The following PHC1 variants were observed in gnomAD, a reference collection of about 807,000 sequenced individuals.
PHC1 encodes the protein polyhomeotic-like protein 1.
Under a neutral mutation model 104.3 loss-of-function variants are expected in PHC1, and 12 were observed. The observed-to-expected ratio is 0.12, with a 90% confidence interval of 0.07 to 0.19. The LOEUF (loss-of-function observed/expected upper bound fraction) is 0.19, where lower values mean the gene tolerates loss of function less well. Ranked by LOEUF, PHC1 falls within the 10% of genes least tolerant of loss-of-function variation. The probability of loss-of-function intolerance (pLI) is 1.00; values close to 1 mark genes in which losing one functional copy is unlikely to be tolerated. For missense variants in PHC1, 671 were observed against 1,200.0 expected (o/e 0.56, Z 6.51); for synonymous variants, 302 against 455.8 (o/e 0.66, Z 4.30).
chr12:8,934,735 A>G (rs908866269), intron 10 of PHC1, among the ~76,000 whole-genome samples: 8 of 152,212 alleles, frequency 5.3e-5, no homozygotes, highest in Admixed American at 3.3e-4. Context: ...AGTTTGTTTT[A>G]TAATGAATAA....
intron 6 of PHC1, among the ~76,000 whole-genome samples, chr12:8,923,984 G>A (rs746872859): frequency 4.6e-5 from 7 of 152,296 alleles, no homozygotes; most frequent in Admixed American, 1.3e-4. Context: ...GATTTAAAGT[G>A]TATGGGAAGA....
intron 6 of PHC1, among the ~76,000 whole-genome samples, chr12:8,924,505 G>A (rs2137081203): frequency 6.6e-6 from 1 of 152,248 alleles, no homozygotes; most frequent in Non-Finnish European, 1.5e-5. Context: ...TAAACTAAAT[G>A]GTGCTAACTT....
At chr12:8,939,151 A>G (rs970432380) in intron 14 of PHC1, among the ~76,000 whole-genome samples, 154 bp from the exon 15 acceptor site, 7 of 152,144 alleles carry the variant, frequency 4.6e-5, no homozygotes, top group African/African-American at 1.7e-4. Flanking sequence ...GTTGCTTTCT[A>G]ATTTCATTTT....
chr12:8,937,812 G>T lies in PHC1; in HGVS notation c.2629-17G>T, dbSNP rs768278942. On this transcript the variant is annotated splice_polypyrimidine_tract_variant and intron_variant, in intron 13 of 14. Coordinates refer to ENST00000544916, the MANE Select transcript of PHC1 (RefSeq NM_004426.3). ...CCTTTGACACTGACCTCATTGGTTTGCTCTTTTCCCCTATAGGGTCAAGAA... is the reference window on the plus strand; with the variant it reads ...CCTTTGACACTGACCTCATTGGTTTTCTCTTTTCCCCTATAGGGTCAAGAA... 3.8e-6 allele frequency: 6 copies of T among 1,598,002 alleles called. No individual in the cohort carries two copies. The South Asian group carries it at 5.5e-5, about 15-fold the overall frequency.
intron 14 of PHC1, among the ~76,000 whole-genome samples, chr12:8,938,945 C>T (rs1945926878): frequency 6.6e-6 from 1 of 152,170 alleles, no homozygotes; most frequent in African/African-American, 2.4e-5. Flanking sequence ...CCTGCCTCAG[C>T]TTCCCGAGTA....
At chr12:8,922,852 C>G in intron 6 of PHC1, 64 bp downstream of exon 6, 3 of 1,445,490 alleles carry the variant, frequency 2.1e-6, no homozygotes, top group Non-Finnish European at 1.9e-6. Context: ...GACCACGGAC[C>G]TGGGTCCACC....
Position 8,937,265 on chromosome 12 carries a change from G to C in PHC1, c.2567G>C (p.Arg856Pro), listed in dbSNP as rs774723370. The change falls in exon 13 of 15, where the codon CGT becomes CCT. Residue 856 changes from arginine to proline, a missense_variant. Arg to Pro is a moderately radical substitution (Grantham distance 103). This residue lies in a region of PHC1 where 192 missense variants were observed against 280.5 expected (regional missense o/e 0.68). Coordinates refer to ENST00000544916, the MANE Select transcript of PHC1 (RefSeq NM_004426.3). ...GCCAACTATGCTCGCGTTCGCAGGC[G>C]TGGACCCCGCCGCAGCTCCTCTGAC... ...QEANYARVRR[R>P]GPRRSSSDIA... is the part of the protein sequence containing the mutation. 1 of 1,612,568 alleles carries C rather than the reference G, an allele frequency of 6.2e-7. No homozygotes were observed. Among genetic ancestry groups the C allele is most frequent in the Non-Finnish European group, 8.5e-7 (1 of 1,179,286 alleles).
intron 7 of PHC1, 29 bp downstream of exon 7, chr12:8,930,956 C>G: frequency 6.4e-7 from 1 of 1,571,320 alleles, no homozygotes; most frequent in Non-Finnish European, 8.6e-7. Flanking sequence ...TGTCATTATT[C>G]TCTCAGAATT....
chr12:8,915,956 G>A (rs1945188871), intron 1 of PHC1: 1 of 154,356 alleles, frequency 6.5e-6, no homozygotes, highest in African/African-American at 2.4e-5. Context: ...TAGCAAAGGG[G>A]TCTCGTGTCT....
chr12:8,927,861 C>CTTTCTT (rs1400337778), intron 6 of PHC1, among the ~76,000 whole-genome samples: 1 of 58,850 alleles, frequency 1.7e-5, no homozygotes, highest in African/African-American at 8.5e-5. Flanking sequence ...AGTTTTCTTT[C>CTTTCTT]TTTCTTTCTT....
intron 11 of PHC1, 33 bp from the exon 12 acceptor site, chr12:8,936,822 CA>C (rs763739404): frequency 1.5e-6 from 2 of 1,330,910 alleles, no homozygotes; most frequent in Non-Finnish European, 2.2e-6. Context: ...AGCAGAAACC[CA>C]TGGTGACTGT....
In PHC1 at chr12:8,919,971, A is replaced by G; in HGVS notation, c.225+105A>G. 8.0e-6 allele frequency: 12 copies of G among 1,499,216 alleles called. No homozygotes were observed. The highest frequency in any genetic ancestry group is 1.1e-5 in the Non-Finnish European group (12 of 1,104,154). The allele number at this position is 1,499,216 out of a possible 1,614,324, so 92.9% of individuals were successfully genotyped here. On this transcript the variant is annotated intron_variant, in intron 3 of 14. Transcript: ENST00000544916. The surrounding 1 kb of genome is among the most constrained non-coding windows in gnomAD (Gnocchi z 4.9). ...AGCATCCTATACTAAGCCAGGCTGC[A>G]GACAGCCTCCTCCGCCTCCTGTCCT...
intron 6 of PHC1, among the ~76,000 whole-genome samples, chr12:8,924,293 A>G (rs1945452713): frequency 1.3e-5 from 2 of 152,104 alleles, no homozygotes; most frequent in South Asian, 4.1e-4. Flanking sequence ...CCTGACCAAT[A>G]TGGTGAAACC....
intron 3 of PHC1, 143 bp downstream of exon 3, chr12:8,920,009 T>C (rs1347863455): frequency 1.6e-6 from 2 of 1,278,664 alleles, no homozygotes; most frequent in Non-Finnish European, 2.2e-6. Context: ...TGTGGGAGGA[T>C]GGATGCATCT....
At chr12:8,920,952 T>G in intron 3 of PHC1, 33 bp from the exon 4 acceptor site, 1 of 1,492,842 alleles carries the variant, frequency 6.7e-7, no homozygotes. Context: ...TTCACTGTCT[T>G]TGCTATTTCT....
At chr12:8,921,121 T>G (rs900713895) in intron 4 of PHC1, 56 bp downstream of exon 4, 7 of 1,298,778 alleles carry the variant, frequency 5.4e-6, no homozygotes, top group Non-Finnish European at 7.6e-6. Flanking sequence ...TGTCTCTGGG[T>G]TAAATTACTT....
chr12:8,917,599 T>C (rs772334539), intron 1 of PHC1, 31 bp from the exon 2 acceptor site: 7 of 582,984 alleles, frequency 1.2e-5, no homozygotes, highest in Middle Eastern at 3.4e-4. Flanking sequence ...GATCAAGATA[T>C]AAATTTTAAC....
In PHC1 at chr12:8,921,640, C is replaced by G; in HGVS notation, c.346C>G (p.Arg116Gly). 6.2e-7 allele frequency: 1 copy of G among 1,613,696 alleles called. No homozygotes were observed. Among genetic ancestry groups the G allele is most frequent in the Non-Finnish European group, 8.5e-7 (1 of 1,179,810 alleles). Residue 116 changes from arginine to glycine, a missense_variant, in exon 5 of 15, where the codon CGA (arginine) becomes GGA (glycine). By Grantham distance (125) the Arg-to-Gly change is moderately radical. Coordinates refer to ENST00000544916, the MANE Select transcript of PHC1 (RefSeq NM_004426.3). ...ATTSAAQLIS[R>G]SQSVSSPSAT... ...CACATCGGCCGCCCAGCTCATCAGC[C>G]GATCCCAGAGTGTGAGCTCTCCCAG...
At chr12:8,937,087 C>G in intron 12 of PHC1, 89 bp from the exon 13 acceptor site, 1 of 1,490,888 alleles carries the variant, frequency 6.7e-7, no homozygotes, top group Non-Finnish European at 9.3e-7. Context: ...ATTCCCTTCC[C>G]CAAATCAGCT....
Sources: gnomAD v4.1 joint callset for allele counts (sites outside exome capture counted in the v4.1 genomes callset) on GRCh38, gnomAD v4.1.1 for gene constraint, gnomAD v4.1.1 regional missense constraint, Gnocchi (gnomAD v3.1) non-coding constraint, MANE v1.5 for transcripts, NCBI Gene and HGNC (gene_info 2026-07-23, HGNC 2026-07-21) for gene names.